STARD13: variants seen among roughly 807,000 people sequenced by gnomAD.
STARD13 encodes the protein StAR related lipid transfer domain containing 13, also known as stAR-related lipid transfer protein 13.
In STARD13, 62 loss-of-function variants were observed where a neutral mutation model predicts 106.4. The ratio of observed to expected loss-of-function variants is 0.58; its 90% confidence interval spans 0.48 to 0.72. The LOEUF (loss-of-function observed/expected upper bound fraction) is 0.72. Ranked by LOEUF, STARD13 falls within the 30% of genes least tolerant of loss-of-function variation. STARD13 has a pLI of 0.00. For missense variants in STARD13, 1,387 were observed against 1,424.0 expected (o/e 0.97, Z 0.42); for synonymous variants, 565 against 553.0 (o/e 1.02, Z -0.31).
At chr13:33,505,463 C>A in the STARD13 span, among the ~76,000 whole-genome samples, 1 of 151,792 alleles carries the variant, frequency 6.6e-6, no homozygotes, top group African/African-American at 2.4e-5. Flanking sequence ...TATTATAAGC[C>A]AGAAAAATTA....
At chr13:33,508,594 G>A in the STARD13 span, among the ~76,000 whole-genome samples, 1 of 152,186 alleles carries the variant, frequency 6.6e-6, no homozygotes, top group African/African-American at 2.4e-5. Context: ...AGCTGGAAGT[G>A]GAGTGTTGTA....
chr13:33,635,291 A>G, the STARD13 span, among the ~76,000 whole-genome samples: 3 of 152,178 alleles, frequency 2.0e-5, no homozygotes, highest in Admixed American at 2.0e-4. Context: ...GTGCTGCTCT[A>G]TATCCTTGAT....
the STARD13 span, among the ~76,000 whole-genome samples, chr13:33,636,791 C>G: frequency 2.0e-5 from 3 of 152,156 alleles, no homozygotes; most frequent in Non-Finnish European, 2.9e-5. Flanking sequence ...TCGTCAGGAC[C>G]CTGGATCCAT....
chr13:33,650,012 T>C, the STARD13 span, among the ~76,000 whole-genome samples: 1 of 152,070 alleles, frequency 6.6e-6, no homozygotes, highest in East Asian at 1.9e-4. Context: ...CAGGAATTAC[T>C]CTCAGCCACT....
At chr13:33,629,026 T>C in the STARD13 span, among the ~76,000 whole-genome samples, 1 of 152,216 alleles carries the variant, frequency 6.6e-6, no homozygotes, top group Non-Finnish European at 1.5e-5. Flanking sequence ...AGCAGCTTCT[T>C]AGCTATGTTG....
At chr13:33,233,368 T>A (rs565029348) in intron 1 of STARD13, among the ~76,000 whole-genome samples, 2 of 152,320 alleles carry the variant, frequency 1.3e-5, no homozygotes, top group South Asian at 4.1e-4. Context: ...CCAATCAGTA[T>A]GCACTCCCCA....
At chr13:33,144,670 GT>G (rs1036438364) in intron 3 of STARD13, among the ~76,000 whole-genome samples, 1 of 152,184 alleles carries the variant, frequency 6.6e-6, no homozygotes, top group African/African-American at 2.4e-5. Context: ...CTCTCAGCCT[GT>G]CTCTTTGGTC....
intron 1 of STARD13, among the ~76,000 whole-genome samples, chr13:33,230,553 C>G (rs1888865301): frequency 6.6e-6 from 1 of 152,192 alleles, no homozygotes. Flanking sequence ...TCATAATCTT[C>G]TTTTGTAAGC....
intron 1 of STARD13, among the ~76,000 whole-genome samples, chr13:33,183,112 C>A (rs1357967222): frequency 6.6e-6 from 1 of 152,224 alleles, no homozygotes; most frequent in Non-Finnish European, 1.5e-5. Flanking sequence ...CCCAGGTTAG[C>A]TCGGCTCTTC....
At chr13:33,387,897 C>T in the STARD13 span, among the ~76,000 whole-genome samples, 1 of 152,228 alleles carries the variant, frequency 6.6e-6, no homozygotes, top group Non-Finnish European at 1.5e-5. Context: ...GGACTCCAAA[C>T]ACACACTCTC....
chr13:33,572,941 G>A, the STARD13 span, among the ~76,000 whole-genome samples: 9 of 152,162 alleles, frequency 5.9e-5, no homozygotes, highest in African/African-American at 2.2e-4. Flanking sequence ...CCTGAAACCA[G>A]TTCCCCTCAG....
intron 7 of STARD13, among the ~76,000 whole-genome samples, chr13:33,125,305 C>T (rs1169232598): frequency 6.6e-6 from 1 of 152,198 alleles, no homozygotes; most frequent in Non-Finnish European, 1.5e-5. Context: ...AATATACCCA[C>T]TATTCAGGGC....
intron 1 of STARD13, among the ~76,000 whole-genome samples, chr13:33,342,197 T>A (rs1333604522): frequency 6.6e-6 from 1 of 152,184 alleles, no homozygotes; most frequent in African/African-American, 2.4e-5. Context: ...TAAAGGTCAG[T>A]AAATGGATGC....
At chr13:33,128,665 A>G (rs1169679483) in intron 5 of STARD13, among the ~76,000 whole-genome samples, 1 of 152,218 alleles carries the variant, frequency 6.6e-6, no homozygotes, top group Non-Finnish European at 1.5e-5. Context: ...AACGCTTTGC[A>G]CATAAGAAGC....
chr13:33,547,880 GATGATTAGT>G, the STARD13 span, among the ~76,000 whole-genome samples: 1 of 152,130 alleles, frequency 6.6e-6, no homozygotes, highest in African/African-American at 2.4e-5. Flanking sequence ...AAGAATCTTA[GATGATTAGT>G]AGGTTAATGA....
At chr13:33,666,701 C>T in the STARD13 span, among the ~76,000 whole-genome samples, 700 of 152,258 alleles carry the variant, frequency 4.6e-3, 5 homozygotes, top group African/African-American at 0.015. Context: ...AGCAATTTTA[C>T]TGCCTCAGCC....
upstream of STARD13, among the ~76,000 whole-genome samples, chr13:33,288,113 C>T (rs918155306): frequency 6.6e-6 from 1 of 151,760 alleles, no homozygotes; most frequent in African/African-American, 2.4e-5. Context: ...ACAATAACAA[C>T]GACAATAAAA....
the STARD13 span, among the ~76,000 whole-genome samples, chr13:33,630,471 G>A: frequency 6.6e-6 from 1 of 152,182 alleles, no homozygotes; most frequent in African/African-American, 2.4e-5. Flanking sequence ...ACCACATAAT[G>A]ATTTTCCCTT....
At chr13:33,216,143 G>T (rs900216380) in intron 1 of STARD13, among the ~76,000 whole-genome samples, 4 of 152,136 alleles carry the variant, frequency 2.6e-5, no homozygotes, top group Non-Finnish European at 5.9e-5. Flanking sequence ...AACCACTCTG[G>T]AAAACAGTGT....
Sources: gnomAD v4.1 joint callset for allele counts (sites outside exome capture counted in the v4.1 genomes callset) on GRCh38, gnomAD v4.1.1 for gene constraint, MANE v1.5 for transcripts, NCBI Gene and HGNC (gene_info 2026-07-23, HGNC 2026-07-21) for gene names.